The following CHCHD3 variants were observed in gnomAD, a reference collection of about 807,000 sequenced individuals.
The protein encoded by CHCHD3 is MICOS complex subunit MIC19.
Under a neutral mutation model 38.2 loss-of-function variants are expected in CHCHD3, and 20 were observed. The observed-to-expected ratio is 0.52, with a 90% CI of 0.37 to 0.76. CHCHD3 has a LOEUF of 0.76. CHCHD3 is among the 30% of genes least tolerant of loss of function. The pLI is 0.00. For synonymous variants in CHCHD3, 82 were observed against 100.0 expected (o/e 0.82, Z 1.07); for missense variants, 245 against 279.2 (o/e 0.88, Z 0.87).
intron 6 of CHCHD3, among the ~76,000 whole-genome samples, chr7:132,829,449 G>A (rs1489153368): frequency 1.3e-5 from 2 of 152,058 alleles, no homozygotes; most frequent in African/African-American, 4.8e-5. Context: ...TGTTCCTGCT[G>A]GGGAAGACAG....
intron 4 of CHCHD3, among the ~76,000 whole-genome samples, chr7:132,913,794 T>G (rs1468621614): frequency 1.3e-5 from 2 of 152,064 alleles, no homozygotes; most frequent in African/African-American, 4.8e-5. Context: ...CTGAAGAGAC[T>G]GACAATAACG....
At chr7:132,998,591 G>T (rs1447847430) in intron 3 of CHCHD3, among the ~76,000 whole-genome samples, 1 of 152,068 alleles carries the variant, frequency 6.6e-6, no homozygotes, top group Non-Finnish European at 1.5e-5. Flanking sequence ...ATAATAATAA[G>T]GTTAGTGCAA....
intron 3 of CHCHD3, among the ~76,000 whole-genome samples, chr7:132,993,499 C>A (rs1047390213): frequency 2.6e-5 from 4 of 152,220 alleles, no homozygotes; most frequent in African/African-American, 4.8e-5. Flanking sequence ...CTTCTAAGTT[C>A]TCATTTGTCT....
intron 2 of CHCHD3, among the ~76,000 whole-genome samples, chr7:133,052,490 A>C (rs1318392090): frequency 6.6e-6 from 1 of 152,226 alleles, no homozygotes; most frequent in African/African-American, 2.4e-5. Context: ...GATGTCACTG[A>C]CCAGCCATGC....
intron 5 of CHCHD3, among the ~76,000 whole-genome samples, chr7:132,842,115 T>G (rs1333351244): frequency 6.6e-6 from 1 of 151,976 alleles, no homozygotes; most frequent in Non-Finnish European, 1.5e-5. Flanking sequence ...AAAAAAATTT[T>G]TTTTAATATT....
chr7:132,990,681 C>T (rs1421306), intron 3 of CHCHD3, among the ~76,000 whole-genome samples: 107,999 of 152,010 alleles, frequency 0.71, 38,533 homozygotes, highest in African/African-American at 0.75. Context: ...TTCTTTTTCA[C>T]AAGGGACACG....
chr7:132,885,854 G>T, intron 4 of CHCHD3, 109 bp from the exon 5 acceptor site: 2 of 701,896 alleles, frequency 2.8e-6, no homozygotes, highest in South Asian at 2.4e-5. Context: ...GAAGATTTTT[G>T]CAATCTATTA....
At chr7:132,948,075 T>C (rs980191814) in intron 4 of CHCHD3, among the ~76,000 whole-genome samples, 3 of 152,114 alleles carry the variant, frequency 2.0e-5, no homozygotes, top group Non-Finnish European at 2.9e-5. Context: ...TAGTTTTTTG[T>C]TTTGTTTTCT....
intron 4 of CHCHD3, among the ~76,000 whole-genome samples, chr7:132,966,039 G>A (rs1332063142): frequency 6.6e-6 from 1 of 152,070 alleles, no homozygotes; most frequent in Non-Finnish European, 1.5e-5. Flanking sequence ...AAATAGCATG[G>A]TGCTATCTGT....
At chr7:132,969,326 A>G (rs10229141) in intron 4 of CHCHD3, among the ~76,000 whole-genome samples, 164 of 152,304 alleles carry the variant, frequency 1.1e-3, no homozygotes, top group African/African-American at 3.8e-3. Context: ...CCTGGGAAAT[A>G]CTGCCTAGGA....
intron 2 of CHCHD3, among the ~76,000 whole-genome samples, chr7:133,036,251 C>T (rs1237298559): frequency 6.6e-6 from 1 of 152,120 alleles, no homozygotes; most frequent in Non-Finnish European, 1.5e-5. Context: ...CATGTTTTAA[C>T]ACTTTTAAAT....
chr7:132,963,267 G>A (rs1292215372), intron 4 of CHCHD3, among the ~76,000 whole-genome samples: 5 of 146,462 alleles, frequency 3.4e-5, no homozygotes, highest in African/African-American at 7.5e-5. Flanking sequence ...CAACTTTACC[G>A]TAAGCTAAAA....
At chr7:132,905,600 G>C (rs1809781965) in intron 4 of CHCHD3, among the ~76,000 whole-genome samples, 1 of 150,700 alleles carries the variant, frequency 6.6e-6, no homozygotes, top group Non-Finnish European at 1.5e-5. Context: ...AAAGTTGAGG[G>C]GAAAAAAATG....
At position 132,881,461 on chromosome 7, in the gene CHCHD3, C is replaced by T. The variant is rs1477270427; in HGVS notation, c.453+4201G>A. Among the ~76,000 whole-genome samples, 3 of 152,090 alleles carry T rather than the reference C, an allele frequency of 2.0e-5. No individual in the cohort carries two copies. In the East Asian group the frequency reaches 5.8e-4, roughly 29 times the overall value. On this transcript the variant is annotated intron_variant, in intron 5 of 7. Transcript: ENST00000262570. ...AGTTCAAGTCATCAAAAAGTGATAA[C>T]GTGTACAATTGCTGTGTTAATCTAG...
At chr7:132,831,830 T>G (rs1341069589) in intron 6 of CHCHD3, among the ~76,000 whole-genome samples, 3 of 152,144 alleles carry the variant, frequency 2.0e-5, no homozygotes, top group African/African-American at 7.2e-5. Flanking sequence ...ATTATAAATT[T>G]GCCAGTCAAA....
intron 3 of CHCHD3, among the ~76,000 whole-genome samples, chr7:132,994,189 T>A (rs146235387): frequency 1.7e-4 from 26 of 152,258 alleles, no homozygotes; most frequent in African/African-American, 6.0e-4. Context: ...AAGTACTATA[T>A]GAAGTCTTTC....
chr7:132,969,006 C>A (rs1811544479), intron 4 of CHCHD3, among the ~76,000 whole-genome samples: 1 of 152,116 alleles, frequency 6.6e-6, no homozygotes, highest in Non-Finnish European at 1.5e-5. Flanking sequence ...GCATACAGCA[C>A]AAAATTAATC....
chr7:132,844,071 G>A (rs1159437542), intron 5 of CHCHD3, among the ~76,000 whole-genome samples: 20 of 152,210 alleles, frequency 1.3e-4, no homozygotes, highest in South Asian at 2.1e-4. Flanking sequence ...AAGCTAAGGC[G>A]GGCGGATCAC....
intron 5 of CHCHD3, among the ~76,000 whole-genome samples, chr7:132,871,104 A>T (rs1808757833): frequency 6.6e-6 from 1 of 152,226 alleles, no homozygotes; most frequent in Non-Finnish European, 1.5e-5. Context: ...GGCTATTTCT[A>T]GAGGAATATT....
Sources: gnomAD v4.1 joint callset for allele counts (sites outside exome capture counted in the v4.1 genomes callset) on GRCh38, gnomAD v4.1.1 for gene constraint, MANE v1.5 for transcripts, NCBI Gene and HGNC (gene_info 2026-07-23, HGNC 2026-07-21) for gene names.